The following GCA variants were observed in gnomAD, a reference collection of about 807,000 sequenced individuals.
GCA encodes grancalcin.
Under a neutral mutation model 32.6 loss-of-function variants are expected in GCA, and 30 were observed. The ratio of observed to expected loss-of-function variants is 0.92; its 90% confidence interval spans 0.69 to 1.25. The LOEUF (loss-of-function observed/expected upper bound fraction) is 1.25. GCA is among the 50% of genes most tolerant of loss of function. GCA has a pLI of 0.00. For synonymous variants in GCA, 102 were observed against 84.6 expected, an observed-to-expected ratio of 1.21 and a Z score of -1.13; for missense variants, 291 against 266.8, an observed-to-expected ratio of 1.09 and a Z score of -0.63.
chr2:162,328,760 T>C (rs1183537449), intron 1 of GCA, among the ~76,000 whole-genome samples: 1 of 152,256 alleles, frequency 6.6e-6, no homozygotes, highest in African/African-American at 2.4e-5. Flanking sequence ...GGGCTTTCTG[T>C]ATCTTGCGTT....
At chr2:162,347,427 A>C in intron 1 of GCA, 151 bp from the exon 2 acceptor site, 1 of 450,700 alleles carries the variant, frequency 2.2e-6, no homozygotes, top group Non-Finnish European at 3.9e-6. Context: ...AGGACATCTA[A>C]CATTTTGTAG....
chr2:162,336,241 G>A (rs965373041), intron 1 of GCA, among the ~76,000 whole-genome samples: 7 of 152,082 alleles, frequency 4.6e-5, no homozygotes, highest in Admixed American at 6.6e-5. Flanking sequence ...CTATATTTTA[G>A]GCAATGCTTT....
At position 162,361,476 on chromosome 2, in the gene GCA, G is replaced by A; in HGVS notation, c.*1233G>A. ...TGAGTGACATAATTTTATGACTGCT[G>A]ACCAAATTAATTTATAGATTTTATA... is the stretch of plus-strand genomic sequence containing the variant. On this transcript the variant is annotated 3_prime_UTR_variant, in exon 8 of 8. Coordinates refer to ENST00000437150, the MANE Select transcript of GCA (RefSeq NM_012198.5). 2 of 975,016 alleles carry A rather than the reference G, an allele frequency of 2.1e-6. No individual in the cohort carries two copies. Among genetic ancestry groups the A allele is most frequent in the Non-Finnish European group, 2.4e-6 (2 of 820,818 alleles). 60.4% of individuals were successfully genotyped at this position (975,016 alleles called of 1,614,324 possible).
downstream of GCA, among the ~76,000 whole-genome samples, chr2:162,367,931 G>A (rs1413366074): frequency 6.6e-6 from 1 of 151,956 alleles, no homozygotes; most frequent in Non-Finnish European, 1.5e-5. Flanking sequence ...CTTGCTCAAG[G>A]TCACACAGCT....
In GCA at chr2:162,361,514, T is replaced by A. The variant is rs1685569148; in HGVS notation, c.*1271T>A. ...TATAGATTTTATAAAATCCCATGTT[T>A]CTTAATGGATGGAGGATAGATGGCA... On this transcript the variant is annotated 3_prime_UTR_variant, in exon 8 of 8. Transcript: ENST00000437150. 2 of 978,154 alleles carry A rather than the reference T, an allele frequency of 2.0e-6. No individual in the cohort carries two copies. The highest frequency in any genetic ancestry group is 1.2e-4 in the Admixed American group (2 of 16,126). The allele number at this position is 978,154 out of a possible 1,614,324, so 60.6% of individuals were successfully genotyped here.
chr2:162,369,680 G>A (rs1685863155), intron 4 of GCA, among the ~76,000 whole-genome samples: 1 of 152,004 alleles, frequency 6.6e-6, no homozygotes, highest in African/African-American at 2.4e-5. Context: ...AACATTCTCT[G>A]GTGAATTCAT....
At chr2:162,353,298 T>C (rs1194366000) in intron 3 of GCA, among the ~76,000 whole-genome samples, 2 of 152,074 alleles carry the variant, frequency 1.3e-5, no homozygotes, top group Non-Finnish European at 2.9e-5. Flanking sequence ...TGAAACCCCG[T>C]CTCTACTAAA....
At position 162,360,291 on chromosome 2, in the gene GCA, G is replaced by A. The variant is rs1181862869; in HGVS notation, c.*48G>A. 1 of 1,572,412 alleles carries A rather than the reference G, an allele frequency of 6.4e-7. No homozygotes were observed. Among genetic ancestry groups the A allele is most frequent in the Admixed American group, 1.8e-5 (1 of 54,918 alleles). Reference sequence around the variant, plus strand: ...AGAGACACTGTGAATTCTTTTGTTTGGAAGAAGTGAACTGGACTACTTTAA... The same window carrying A: ...AGAGACACTGTGAATTCTTTTGTTTAGAAGAAGTGAACTGGACTACTTTAA... On this transcript the variant is annotated 3_prime_UTR_variant, in exon 8 of 8. Transcript: ENST00000437150.
At chr2:162,374,577 TAAAAC>T (rs778766813), downstream of GCA, among the ~76,000 whole-genome samples, 5 of 151,748 alleles carry the variant, frequency 3.3e-5, no homozygotes, top group Non-Finnish European at 7.4e-5. Flanking sequence ...AAAATGGAAA[TAAAAC>T]AAAAAAAGGA....
chr2:162,348,745 C>T (rs1684836637), intron 2 of GCA, among the ~76,000 whole-genome samples: 1 of 152,090 alleles, frequency 6.6e-6, no homozygotes, highest in Non-Finnish European at 1.5e-5. Flanking sequence ...ACTGTAACAC[C>T]ATACCACAGT....
chr2:162,347,101 TTTTTA>T (rs1316367145), intron 1 of GCA, among the ~76,000 whole-genome samples: 3 of 152,138 alleles, frequency 2.0e-5, no homozygotes, highest in Non-Finnish European at 4.4e-5. Flanking sequence ...ACATATAAAG[TTTTTA>T]TTTTAAGTTT....
chr2:162,371,886 A>G (rs1158906557), downstream of GCA: 3 of 1,613,646 alleles, frequency 1.9e-6, no homozygotes, highest in African/African-American at 1.3e-5. Context: ...CGATTCCTAC[A>G]GTGCTTAGGG....
intron 1 of GCA, among the ~76,000 whole-genome samples, chr2:162,344,925 A>G (rs1558892879): frequency 6.6e-6 from 1 of 152,206 alleles, no homozygotes; most frequent in African/African-American, 2.4e-5. Context: ...CGCTGTGTTA[A>G]CAGAGTTAAC....
intron 1 of GCA, among the ~76,000 whole-genome samples, chr2:162,336,963 A>G (rs1431970471): frequency 6.6e-6 from 1 of 152,190 alleles, no homozygotes; most frequent in Non-Finnish European, 1.5e-5. Flanking sequence ...CTTACAGAAC[A>G]ATTTCATGGG....
In GCA at chr2:162,331,004, A is replaced by T. The variant is rs142287762; in HGVS notation, c.-31+11779A>T. 2.8e-3 allele frequency among the ~76,000 whole-genome samples: 425 copies of T among 152,310 alleles called. 4 individuals carry two copies. Among genetic ancestry groups the T allele is most frequent in the African/African-American group, 9.6e-3 (399 of 41,568 alleles). ...ATTCATCAACATTGAATTCACAACC[A>T]ATTGCACTATGACTCATACCTGAAC... On this transcript the variant is annotated intron_variant, in intron 1 of 4. Coordinates refer to the GCA transcript ENST00000429691.
rs756987808 is a variant in GCA, at chr2:162,360,261, C to A, written c.*18C>A. On this transcript the variant is annotated 3_prime_UTR_variant, in exon 8 of 8. Transcript: ENST00000437150. ...CAATTTGAATGCTTAGAATTTTAAA[C>A]CTGAAGAGACACTGTGAATTCTTTT... 23 of 1,582,186 alleles carry A rather than the reference C, an allele frequency of 1.5e-5. No homozygotes were observed. The Admixed American group carries it at 3.3e-4, about 23-fold the overall frequency.
downstream of GCA, among the ~76,000 whole-genome samples, chr2:162,367,462 A>G (rs1164059535): frequency 6.6e-6 from 1 of 151,988 alleles, no homozygotes; most frequent in South Asian, 2.1e-4. Context: ...CCTTTATAGA[A>G]TACATTCTAG....
downstream of GCA, chr2:162,371,690 A>G (rs1685952108): frequency 1.1e-6 from 1 of 910,242 alleles, no homozygotes; most frequent in Non-Finnish European, 1.6e-6. Flanking sequence ...ACAAGCTTCA[A>G]TTTAGGAAAA....
chr2:162,365,285 C>A (rs1264478880), downstream of GCA, among the ~76,000 whole-genome samples: 1 of 151,392 alleles, frequency 6.6e-6, no homozygotes, highest in Non-Finnish European at 1.5e-5. Flanking sequence ...TTGTACATTT[C>A]TCTTAGCTAC....
Sources: allele counts gnomAD v4.1 joint callset (sites outside exome capture counted in the v4.1 genomes callset), GRCh38; gene constraint gnomAD v4.1.1; transcripts MANE v1.5; gene names NCBI Gene and HGNC (gene_info 2026-07-23, HGNC 2026-07-21).